Variants in CRHR1 observed in about 807,000 individuals in gnomAD.
CRHR1 encodes the protein corticotropin releasing hormone receptor 1, also known as corticotropin-releasing hormone receptor 1.
In CRHR1, 28 loss-of-function variants were observed where a neutral mutation model predicts 56.0. That is an observed-to-expected ratio of 0.50 (90% CI 0.37 to 0.69). The LOEUF is 0.69. Among genes scored for constraint, CRHR1 ranks in the 30% least tolerant of loss-of-function variants. The probability of loss-of-function intolerance (pLI) is 0.00; values close to 1 mark genes in which losing one functional copy is unlikely to be tolerated. For synonymous variants in CRHR1, 195 were observed against 216.5 expected (o/e 0.90, Z 0.87); for missense variants, 376 against 548.0 (o/e 0.69, Z 3.13).
chr17:45,833,107 C>T (rs1209789371), intron 8 of CRHR1, 31 bp from the exon 9 acceptor site: 1 of 1,590,932 alleles, frequency 6.3e-7, no homozygotes, highest in Non-Finnish European at 8.6e-7. Context: ...CGCAGATGAC[C>T]CTTCCTCCCC....
chr17:45,829,804 CA>C lies in CRHR1; in HGVS notation c.435-289del, dbSNP rs770070492. Among the ~76,000 whole-genome samples the C allele has an allele frequency of 3.3e-5, 5 of 152,082 alleles. No homozygotes were observed. In the East Asian group the frequency reaches 5.8e-4, roughly 18 times the overall value. ...AATGGCAGGGAGTAGAAGGCACCCC[CA>C]GGGGAAGCGGGCATCGCCAGGAATC... On this transcript the variant is annotated intron_variant, in intron 5 of 12. Transcript: ENST00000314537.
chr17:45,794,702 A>G (rs1442260857), intron 1 of CRHR1, among the ~76,000 whole-genome samples: 2 of 152,228 alleles, frequency 1.3e-5, no homozygotes, highest in Non-Finnish European at 2.9e-5. Flanking sequence ...CTGAGGACCC[A>G]TGATCAGTGG....
chr17:45,818,944 C>T (rs1017060753), intron 3 of CRHR1, among the ~76,000 whole-genome samples: 6 of 152,164 alleles, frequency 3.9e-5, no homozygotes, highest in Admixed American at 1.3e-4. Flanking sequence ...CAACGGCTCC[C>T]TGCTTGTTGG....
chr17:45,829,551 C>G, intron 5 of CRHR1: 1 of 1,548,086 alleles, frequency 6.5e-7, no homozygotes, highest in Non-Finnish European at 8.7e-7. Context: ...CTTATGTCAC[C>G]CATACCCAGG....
chr17:45,791,860 A>T (rs1598396405), intron 1 of CRHR1, among the ~76,000 whole-genome samples: 4 of 150,728 alleles, frequency 2.7e-5, no homozygotes, highest in South Asian at 2.1e-4. Flanking sequence ...TCTCACACAC[A>T]CACACACACA....
At chr17:45,821,242 G>A in intron 3 of CRHR1, 113 bp from the exon 4 acceptor site, 1 of 904,628 alleles carries the variant, frequency 1.1e-6, no homozygotes, top group Non-Finnish European at 1.8e-6. Context: ...CCCCCAGCCA[G>A]CAGGTGCCTG....
At chr17:45,832,904 G>A (rs928795048) in intron 8 of CRHR1, among the ~76,000 whole-genome samples, 5 of 152,216 alleles carry the variant, frequency 3.3e-5, no homozygotes, top group South Asian at 2.1e-4. Flanking sequence ...CTCCTGCCCC[G>A]GTGCTTGCTT....
At chr17:45,785,660 T>C (rs530709669) in intron 1 of CRHR1, among the ~76,000 whole-genome samples, 39 of 152,336 alleles carry the variant, frequency 2.6e-4, no homozygotes, top group African/African-American at 8.9e-4. Context: ...GGGGTGCGGA[T>C]TGGCGGAATT....
chr17:45,792,830 A>G (rs574438801), intron 1 of CRHR1, among the ~76,000 whole-genome samples: 92 of 152,366 alleles, frequency 6.0e-4, no homozygotes, highest in African/African-American at 2.1e-3. Context: ...ACCAGATTCC[A>G]CATGGACCCC....
In CRHR1 at chr17:45,790,563, G is replaced by C. The variant is rs12449744; in HGVS notation, c.33+5986G>C. Among the ~76,000 whole-genome samples, 793 of 152,322 alleles carry C rather than the reference G, an allele frequency of 5.2e-3. 7 individuals carry two copies. The highest frequency in any genetic ancestry group is 0.017 in the African/African-American group (720 of 41,566). ...TGTTCTTTCTGCCCTATAAGCACAG[G>C]CAATTTGTCCATCTCACCCGCCTGG... is the stretch of plus-strand genomic sequence containing the variant. On this transcript the variant is annotated intron_variant, in intron 1 of 12. Transcript: ENST00000314537.
chr17:45,795,999 G>A (rs958634837), intron 1 of CRHR1, among the ~76,000 whole-genome samples: 8 of 152,170 alleles, frequency 5.3e-5, no homozygotes, highest in African/African-American at 1.9e-4. Context: ...TTTAAATAAA[G>A]TAGAACCTAA....
At chr17:45,791,338 C>T (rs1351005329) in intron 1 of CRHR1, among the ~76,000 whole-genome samples, 1 of 152,140 alleles carries the variant, frequency 6.6e-6, no homozygotes, top group Admixed American at 6.5e-5. Flanking sequence ...AGGTCCAGGC[C>T]CCCTGCACTG....
At position 45,830,587 on chromosome 17, in the gene CRHR1, C is replaced by T. The variant is rs1232566923; in HGVS notation, c.709+17C>T. On this transcript the variant is annotated intron_variant, in intron 7 of 12. Transcript: ENST00000314537. Reference sequence around the variant, plus strand: ...TTGGCTGGGGTGAGCTGGGCAGCCACCTCCGCAGCCTGGGCAGTGGCGGCC... The same window carrying T: ...TTGGCTGGGGTGAGCTGGGCAGCCATCTCCGCAGCCTGGGCAGTGGCGGCC... The T allele has an allele frequency of 6.9e-6, 11 of 1,590,934 alleles. No individual in the cohort carries two copies. The highest frequency in any genetic ancestry group is 7.7e-6 in the Non-Finnish European group (9 of 1,167,084).
At position 45,821,452 on chromosome 17, in the gene CRHR1, C is replaced by T; in HGVS notation, c.327+12C>T. ...TCCTCAATGAGGAGGTGAGGCTGAG[C>T]CGAACAAGGCTGCCCATATGGAGGG... is the stretch of plus-strand genomic sequence containing the variant. On this transcript the variant is annotated intron_variant, in intron 4 of 12. Transcript: ENST00000314537. 1 of 1,610,172 alleles carries T rather than the reference C, an allele frequency of 6.2e-7. No homozygotes were observed.
intron 1 of CRHR1, among the ~76,000 whole-genome samples, chr17:45,789,109 C>T (rs927175700): frequency 6.6e-6 from 1 of 152,118 alleles, no homozygotes; most frequent in African/African-American, 2.4e-5. Flanking sequence ...GCGCTTTTGC[C>T]GTGTCTGGAG....
At chr17:45,834,070 A>G in intron 12 of CRHR1, 22 bp downstream of exon 12, 1 of 1,612,176 alleles carries the variant, frequency 6.2e-7, no homozygotes, top group Non-Finnish European at 8.5e-7. Flanking sequence ...GGGGCCCTGC[A>G]GCGGGGTTCA....
intron 4 of CRHR1, among the ~76,000 whole-genome samples, chr17:45,828,996 C>T (rs2062229875): frequency 6.6e-6 from 1 of 152,162 alleles, no homozygotes; most frequent in Non-Finnish European, 1.5e-5. Flanking sequence ...TTCGACACAA[C>T]ACGGAGCAGT....
intron 3 of CRHR1, among the ~76,000 whole-genome samples, chr17:45,820,292 CG>C (rs1436247456): frequency 6.6e-6 from 1 of 152,148 alleles, no homozygotes; most frequent in Non-Finnish European, 1.5e-5. Flanking sequence ...ATGCCAGAGC[CG>C]GGTACAGGGT....
chr17:45,808,715 C>A (rs747581178), intron 2 of CRHR1, among the ~76,000 whole-genome samples: 36 of 152,194 alleles, frequency 2.4e-4, no homozygotes, highest in Non-Finnish European at 4.1e-4. Context: ...GTGGCACAAT[C>A]ATAGTTTAGT....
Sources: gnomAD v4.1 joint callset for allele counts (sites outside exome capture counted in the v4.1 genomes callset) on GRCh38, gnomAD v4.1.1 for gene constraint, MANE v1.5 for transcripts, NCBI Gene and HGNC (gene_info 2026-07-23, HGNC 2026-07-21) for gene names.